The following AMBRA1 variants were observed in gnomAD, a reference collection of about 807,000 sequenced individuals.
The protein encoded by AMBRA1 is activating molecule in BECN1-regulated autophagy protein 1.
A neutral mutation model predicts 125.4 loss-of-function variants in AMBRA1; 47 were observed. The ratio of observed to expected loss-of-function variants is 0.37; its 90% confidence interval spans 0.30 to 0.48. The LOEUF (loss-of-function observed/expected upper bound fraction) is 0.48. AMBRA1 is among the 20% of genes least tolerant of loss of function. AMBRA1 has a pLI of 0.99. For synonymous variants in AMBRA1, 626 were observed against 655.5 expected, an observed-to-expected ratio of 0.95 and a Z score of 0.69; for missense variants, 1,331 against 1,693.4, an observed-to-expected ratio of 0.79 and a Z score of 3.76.
chr11:46,564,704 T>A (rs2043461118), intron 1 of AMBRA1, among the ~76,000 whole-genome samples: 1 of 152,172 alleles, frequency 6.6e-6, no homozygotes, highest in Admixed American at 6.6e-5. Flanking sequence ...CAGTGACTCA[T>A]GCTATAACCT....
chr11:46,407,197 C>G (rs1946066336), intron 17 of AMBRA1, among the ~76,000 whole-genome samples: 1 of 152,080 alleles, frequency 6.6e-6, no homozygotes, highest in South Asian at 2.1e-4. Flanking sequence ...GAGTGAGACT[C>G]TGTCTCAAAA....
At chr11:46,415,847 G>C (rs1946517628) in intron 15 of AMBRA1, among the ~76,000 whole-genome samples, 1 of 152,236 alleles carries the variant, frequency 6.6e-6, no homozygotes, top group African/African-American at 2.4e-5. Context: ...GGCCAGCTGA[G>C]ACTCTGGGAT....
chr11:46,553,668 C>G (rs1479109528), intron 1 of AMBRA1, among the ~76,000 whole-genome samples: 1 of 151,962 alleles, frequency 6.6e-6, no homozygotes, highest in Non-Finnish European at 1.5e-5. Flanking sequence ...TCGCTTGGAC[C>G]TGGAAGGTGG....
At chr11:46,474,608 G>A (rs1191032422) in intron 11 of AMBRA1, among the ~76,000 whole-genome samples, 5 of 152,104 alleles carry the variant, frequency 3.3e-5, no homozygotes, top group African/African-American at 1.2e-4. Context: ...GGCTGGTCTT[G>A]AACTCCAGAC....
At chr11:46,478,648 C>CTTTTTTTTTTTTTTTTTTTT (rs11449187) in intron 11 of AMBRA1, among the ~76,000 whole-genome samples, 4 of 82,166 alleles carry the variant, frequency 4.9e-5, no homozygotes, top group African/African-American at 9.9e-5. Flanking sequence ...TCTTTTTTCT[C>CTTTTTTTTTTTTTTTTTTTT]TTTTTTTTTT....
chr11:46,585,159 C>T (rs1245374719), intron 1 of AMBRA1, among the ~76,000 whole-genome samples: 3 of 152,036 alleles, frequency 2.0e-5, no homozygotes, highest in South Asian at 2.1e-4. Flanking sequence ...GCAGCATGCT[C>T]GTTAAGAGTC....
At chr11:46,502,149 G>A (rs749897846) in intron 9 of AMBRA1, among the ~76,000 whole-genome samples, 9 of 151,804 alleles carry the variant, frequency 5.9e-5, no homozygotes, top group African/African-American at 1.2e-4. Context: ...GCATAATCTC[G>A]GCTCACTGCA....
intron 9 of AMBRA1, among the ~76,000 whole-genome samples, chr11:46,503,241 T>G (rs1039534349): frequency 6.6e-6 from 1 of 152,058 alleles, no homozygotes; most frequent in Non-Finnish European, 1.5e-5. Flanking sequence ...TTCTTGAACA[T>G]ACAGAGGTCA....
intron 11 of AMBRA1, among the ~76,000 whole-genome samples, chr11:46,444,079 C>T (rs1565165035): frequency 2.6e-5 from 4 of 152,190 alleles, no homozygotes; most frequent in Admixed American, 1.3e-4. Flanking sequence ...AATAGGACAT[C>T]TCAAAAACAG....
At chr11:46,513,564 G>A (rs757851116) in intron 7 of AMBRA1, among the ~76,000 whole-genome samples, 4 of 152,176 alleles carry the variant, frequency 2.6e-5, no homozygotes, top group Non-Finnish European at 4.4e-5. Flanking sequence ...GGGCCCAGAA[G>A]TTAAAGTGTA....
chr11:46,547,044 G>A, intron 4 of AMBRA1, 69 bp downstream of exon 4: 1 of 1,441,076 alleles, frequency 6.9e-7, no homozygotes, highest in African/African-American at 1.4e-5. Context: ...GGGCAACAGA[G>A]CGAGACTCCG....
rs745882997 is a variant in AMBRA1, at chr11:46,397,616, G to A, written c.3731C>T (p.Thr1244Ile). 3 of 1,610,552 alleles carry A rather than the reference G, an allele frequency of 1.9e-6. No individual in the cohort carries two copies. The highest frequency in any genetic ancestry group is 1.3e-5 in the African/African-American group (1 of 74,872). Residue 1244 changes from threonine to isoleucine, a missense_variant, in exon 18 of 18, where the codon ACC (threonine) becomes ATC (isoleucine). Coordinates refer to ENST00000683756, the MANE Select transcript of AMBRA1 (RefSeq NM_001387011.1). ...GGAGGAAGAGGGCAGGGTTGGCTGG[G>A]TTGGCTCCCGCCCAGGGGTACCAGG... ...DQPGTPGREP[T>I]QPTLPSSSPV...
At chr11:46,403,792 G>A (rs1945873996) in intron 17 of AMBRA1, among the ~76,000 whole-genome samples, 1 of 152,184 alleles carries the variant, frequency 6.6e-6, no homozygotes, top group African/African-American at 2.4e-5. Flanking sequence ...ACAAGAAAAT[G>A]AGAAGTAGCC....
chr11:46,584,424 A>C (rs1053703264), intron 1 of AMBRA1, among the ~76,000 whole-genome samples: 12 of 149,802 alleles, frequency 8.0e-5, no homozygotes, highest in Middle Eastern at 3.2e-3. Flanking sequence ...CCTAATGCTA[A>C]ATGACGAGTT....
intron 7 of AMBRA1, among the ~76,000 whole-genome samples, chr11:46,534,545 A>G (rs1231299669): frequency 6.6e-6 from 1 of 152,186 alleles, no homozygotes; most frequent in Non-Finnish European, 1.5e-5. Flanking sequence ...TGCTTGGTAA[A>G]TATCTGTTAA....
At chr11:46,563,842 C>CAA (rs1262343623) in intron 1 of AMBRA1, among the ~76,000 whole-genome samples, 1,561 of 46,558 alleles carry the variant, frequency 0.034, 27 homozygotes, top group African/African-American at 0.063. Context: ...GAGACTGTCT[C>CAA]AAAAAAAAAA....
chr11:46,397,257 G>T lies in AMBRA1; in HGVS notation c.*193C>A. ...GGGCTCCAGATCCTGGAAGGTTCTA[G>T]TTCCCCGAGGCAGGCCTTGCCCATT... On this transcript the variant is annotated 3_prime_UTR_variant, in exon 18 of 18. Transcript: ENST00000683756. 1 of 668,618 alleles carries T rather than the reference G, an allele frequency of 1.5e-6. No homozygotes were observed. Among genetic ancestry groups the T allele is most frequent in the Non-Finnish European group, 2.1e-6 (1 of 465,198 alleles). 41.4% of individuals were successfully genotyped at this position (668,618 alleles called of 1,614,324 possible).
At chr11:46,435,510 A>T (rs1487892997) in intron 12 of AMBRA1, among the ~76,000 whole-genome samples, 1 of 152,236 alleles carries the variant, frequency 6.6e-6, no homozygotes, top group Non-Finnish European at 1.5e-5. Context: ...GAAGAAAGTC[A>T]TTTCATAAAT....
At chr11:46,590,207 C>T (rs914001804) in intron 1 of AMBRA1, among the ~76,000 whole-genome samples, 1 of 151,824 alleles carries the variant, frequency 6.6e-6, no homozygotes, top group South Asian at 2.1e-4. Flanking sequence ...CCCATTTCTA[C>T]TAAAATACAA....
Sources: gnomAD v4.1 joint callset for allele counts (sites outside exome capture counted in the v4.1 genomes callset) on GRCh38, gnomAD v4.1.1 for gene constraint, MANE v1.5 for transcripts, NCBI Gene and HGNC (gene_info 2026-07-23, HGNC 2026-07-21) for gene names.